UBE3C: variants seen among roughly 807,000 people sequenced by gnomAD.
UBE3C encodes ubiquitin-protein ligase E3C.
In UBE3C, 42 loss-of-function variants were observed where a neutral mutation model predicts 129.4. That is an observed-to-expected ratio of 0.32 (90% CI 0.25 to 0.42). The LOEUF (loss-of-function observed/expected upper bound fraction) is 0.42. Among genes scored for constraint, UBE3C ranks in the 10% least tolerant of loss-of-function variants. The probability of loss-of-function intolerance (pLI) is 1.00; values close to 1 mark genes in which losing one functional copy is unlikely to be tolerated. For missense variants in UBE3C, 1,049 were observed against 1,319.1 expected (o/e 0.80, Z 3.17); for synonymous variants, 510 against 492.4 (o/e 1.04, Z -0.47).
chr7:157,204,639 C>T (rs1586686684), intron 11 of UBE3C, among the ~76,000 whole-genome samples: 1 of 152,142 alleles, frequency 6.6e-6, no homozygotes, highest in Admixed American at 6.5e-5. Context: ...TCATTTACCT[C>T]ATTTTCAGTA....
chr7:157,241,458 G>T (rs560062937), intron 18 of UBE3C, among the ~76,000 whole-genome samples: 2 of 152,200 alleles, frequency 1.3e-5, no homozygotes, highest in African/African-American at 4.8e-5. Flanking sequence ...CCATTGGTTC[G>T]TGCAAAGATG....
At chr7:157,261,790 C>T (rs1341891400) in intron 22 of UBE3C, among the ~76,000 whole-genome samples, 2 of 152,132 alleles carry the variant, frequency 1.3e-5, no homozygotes, top group East Asian at 1.9e-4. Context: ...TTGTTACAGA[C>T]AAAAAATCAT....
chr7:157,175,520 T>C (rs1277905035), intron 5 of UBE3C, among the ~76,000 whole-genome samples: 3 of 152,262 alleles, frequency 2.0e-5, no homozygotes, highest in Admixed American at 1.3e-4. Context: ...GTGTAAGTGA[T>C]GTGAGTTACA....
At chr7:157,259,964 C>G (rs1796854175) in intron 22 of UBE3C, among the ~76,000 whole-genome samples, 1 of 152,108 alleles carries the variant, frequency 6.6e-6, no homozygotes, top group South Asian at 2.1e-4. Context: ...GAAGTGAGGC[C>G]TAAGTGCAGT....
rs184820877 is a variant in UBE3C, at chr7:157,140,040, A to G, written c.66+702A>G. On this transcript the variant is annotated intron_variant, in intron 1 of 22. Transcript: ENST00000348165. ...CATGGTAATTGTTTAGGATAAGGGT[A>G]GGCAAACCATGACGCCTCTGTTCTA... 1.6e-3 allele frequency: 1,562 copies of G among 985,370 alleles called. 6 individuals are homozygous for G. Among genetic ancestry groups the G allele is most frequent in the Non-Finnish European group, 1.7e-3 (1,401 of 829,876 alleles). The allele number at this position is 985,370 out of a possible 1,614,324, so 61.0% of individuals were successfully genotyped here.
At chr7:157,238,791 A>G (rs962403398) in intron 18 of UBE3C, among the ~76,000 whole-genome samples, 1 of 152,158 alleles carries the variant, frequency 6.6e-6, no homozygotes, top group African/African-American at 2.4e-5. Context: ...AGGGCTCTCC[A>G]AGGTTTAGAG....
intron 13 of UBE3C, among the ~76,000 whole-genome samples, chr7:157,212,185 G>T (rs1199083152): frequency 6.6e-6 from 1 of 151,610 alleles, no homozygotes; most frequent in Admixed American, 6.6e-5. Flanking sequence ...CTGGTTTCAG[G>T]ACTAGATCTA....
At chr7:157,222,930 C>T in intron 15 of UBE3C, 1 of 251,370 alleles carries the variant, frequency 4.0e-6, no homozygotes, top group Non-Finnish European at 7.8e-6. Context: ...CCGCCCACTG[C>T]TGGATCTGGC....
chr7:157,230,637 GTGAGC>G lies in UBE3C; in HGVS notation c.2234-438_2234-434del, dbSNP rs1415174891. 6.6e-5 allele frequency among the ~76,000 whole-genome samples: 10 copies of G among 150,566 alleles called. No homozygotes were observed. The East Asian group carries it at 2.0e-3, about 30-fold the overall frequency. On this transcript the variant is annotated intron_variant, in intron 17 of 22. Coordinates refer to ENST00000348165, the MANE Select transcript of UBE3C (RefSeq NM_014671.3). ...TTGAACCCGGGAGGCGGAGGTTGCA[GTGAGC>G]TGAGATGGCACCACTGCACTCCAGC... is the stretch of plus-strand genomic sequence containing the variant.
intron 13 of UBE3C, among the ~76,000 whole-genome samples, chr7:157,208,331 C>T (rs1809497757): frequency 6.6e-6 from 1 of 152,030 alleles, no homozygotes; most frequent in Non-Finnish European, 1.5e-5. Context: ...CTGCTTCTGC[C>T]TCCCATAGTG....
chr7:157,227,258 G>A (rs1357631009), intron 17 of UBE3C, among the ~76,000 whole-genome samples: 1 of 152,204 alleles, frequency 6.6e-6, no homozygotes, highest in Non-Finnish European at 1.5e-5. Flanking sequence ...AGCAGCACCT[G>A]TAGGGGAGGA....
intron 16 of UBE3C, 65 bp downstream of exon 16, chr7:157,223,416 C>CCA: frequency 7.2e-7 from 1 of 1,389,812 alleles, no homozygotes; most frequent in South Asian, 1.4e-5. Context: ...TAACACACAC[C>CCA]CACCAGAGAA....
chr7:157,257,053 C>G lies in UBE3C; in HGVS notation c.3081+9C>G. ...CTCTCTTGGGGTTTAAGGTACACAACTTTCATGACATTTGCTTTAAAGACC... is the reference window on the plus strand; with the variant it reads ...CTCTCTTGGGGTTTAAGGTACACAAGTTTCATGACATTTGCTTTAAAGACC... On this transcript the variant is annotated intron_variant, in intron 22 of 22. Transcript: ENST00000348165. 1.2e-6 allele frequency: 2 copies of G among 1,613,900 alleles called. No homozygotes were observed. The highest frequency in any genetic ancestry group is 1.7e-6 in the Non-Finnish European group (2 of 1,179,904).
chr7:157,220,908 GAA>G (rs1349207435), intron 15 of UBE3C, 132 bp downstream of exon 15: 9 of 1,107,598 alleles, frequency 8.1e-6, no homozygotes, highest in Non-Finnish European at 1.1e-5. Context: ...CTACCATGTA[GAA>G]AAGTTTCATC....
At chr7:157,197,707 CAA>C in intron 10 of UBE3C, 1 of 1,609,588 alleles carries the variant, frequency 6.2e-7, no homozygotes, top group Middle Eastern at 1.7e-4. Flanking sequence ...AGAATAAAGT[CAA>C]GAGCTGCAAA....
intron 18 of UBE3C, among the ~76,000 whole-genome samples, chr7:157,232,113 A>G (rs1796036429): frequency 6.6e-6 from 1 of 151,732 alleles, no homozygotes; most frequent in Non-Finnish European, 1.5e-5. Context: ...GCCTCTGTGG[A>G]CTTCTCCCTG....
intron 11 of UBE3C, among the ~76,000 whole-genome samples, chr7:157,205,932 C>A (rs1364411423): frequency 6.6e-6 from 1 of 152,186 alleles, no homozygotes; most frequent in Admixed American, 6.5e-5. Flanking sequence ...CTCCTTACGG[C>A]CCCGCTAATT....
chr7:157,197,814 A>G (rs1809164938), intron 10 of UBE3C: 1 of 1,613,112 alleles, frequency 6.2e-7, no homozygotes, highest in East Asian at 2.2e-5. Context: ...TGCTAACCTG[A>G]TTTGAATTTT....
intron 22 of UBE3C, among the ~76,000 whole-genome samples, chr7:157,260,930 G>C (rs1045781869): frequency 6.6e-6 from 1 of 152,170 alleles, no homozygotes; most frequent in Non-Finnish European, 1.5e-5. Context: ...CTCCGGGTTC[G>C]TGCATGGCCA....
Sources: allele counts gnomAD v4.1 joint callset (sites outside exome capture counted in the v4.1 genomes callset), GRCh38; gene constraint gnomAD v4.1.1; transcripts MANE v1.5; gene names NCBI Gene and HGNC (gene_info 2026-07-23, HGNC 2026-07-21).